Variants in PLPP1 observed in about 807,000 individuals in gnomAD.
The protein encoded by PLPP1 is lipid phosphate phosphohydrolase 1a.
A neutral mutation model predicts 31.2 loss-of-function variants in PLPP1; 24 were observed. The observed-to-expected ratio is 0.77, with a 90% CI of 0.56 to 1.08. The LOEUF (loss-of-function observed/expected upper bound fraction) is 1.08. Among genes scored for constraint, PLPP1 ranks in the 50% least tolerant of loss-of-function variants. The pLI, the probability that PLPP1 is intolerant of heterozygous loss-of-function variation, is 0.00. For synonymous variants in PLPP1, 146 were observed against 126.3 expected, an observed-to-expected ratio of 1.16 and a Z score of -1.05; for missense variants, 319 against 342.7, an observed-to-expected ratio of 0.93 and a Z score of 0.55.
At position 55,443,192 on chromosome 5, in the gene PLPP1, A is replaced by AT. The variant is rs1554037280; in HGVS notation, c.492-1285_492-1284insA. ...AAGGATTACTTAAAAAAAAAAAAAA[A>AT]ATATATATATATATATATATACACA... On this transcript the variant is annotated intron_variant, in intron 3 of 5. Transcript: ENST00000307259. 1.8e-3 allele frequency among the ~76,000 whole-genome samples: 47 copies of AT among 25,442 alleles called. 1 individual carries two copies. The highest frequency in any genetic ancestry group is 0.017 in the South Asian group (7 of 406). 16.7% of individuals were successfully genotyped at this position (25,442 alleles called of 152,430 possible).
At chr5:55,530,498 A>G (rs1740625348) in intron 1 of PLPP1, 3 of 1,209,550 alleles carry the variant, frequency 2.5e-6, no homozygotes, top group Non-Finnish European at 1.2e-6. Flanking sequence ...TTTCACTCCT[A>G]TTGCTGTTCC....
At chr5:55,512,476 A>AG (rs1753438452) in intron 1 of PLPP1, among the ~76,000 whole-genome samples, 4 of 23,562 alleles carry the variant, frequency 1.7e-4, no homozygotes, top group African/African-American at 4.5e-4. Context: ...CTCAAAAAAA[A>AG]AAAAAAAGAA....
chr5:55,460,653 C>CTATT (rs1256826432), intron 3 of PLPP1, among the ~76,000 whole-genome samples: 1 of 152,200 alleles, frequency 6.6e-6, no homozygotes, highest in East Asian at 1.9e-4. Flanking sequence ...AGTTCTATAT[C>CTATT]TATTTAAAAA....
chr5:55,444,067 A>G (rs1175237080), intron 3 of PLPP1, among the ~76,000 whole-genome samples: 1 of 151,926 alleles, frequency 6.6e-6, no homozygotes, highest in Non-Finnish European at 1.5e-5. Context: ...AATAAATCCC[A>G]AGGAGTAGCC....
chr5:55,526,594 A>C (rs914300539), intron 1 of PLPP1, among the ~76,000 whole-genome samples: 2 of 152,194 alleles, frequency 1.3e-5, no homozygotes, highest in African/African-American at 2.4e-5. Context: ...AAACAGAAAA[A>C]CAAGTAAACT....
chr5:55,478,826 A>C (rs965186054), intron 1 of PLPP1, among the ~76,000 whole-genome samples: 8 of 152,142 alleles, frequency 5.3e-5, no homozygotes, highest in Admixed American at 4.6e-4. Context: ...AAGAGGTTTT[A>C]ATAAGAAGGG....
intron 1 of PLPP1, among the ~76,000 whole-genome samples, chr5:55,529,272 T>TAA (rs1740575206): frequency 6.6e-6 from 1 of 151,716 alleles, no homozygotes; most frequent in African/African-American, 2.4e-5. Context: ...CACAAAAGTA[T>TAA]ATATATATAC....
intron 1 of PLPP1, among the ~76,000 whole-genome samples, chr5:55,524,714 G>A (rs1164247222): frequency 6.6e-6 from 1 of 152,136 alleles, no homozygotes; most frequent in Non-Finnish European, 1.5e-5. Context: ...GGAGGTTGAG[G>A]CAGGAGAATC....
intron 1 of PLPP1, among the ~76,000 whole-genome samples, chr5:55,481,194 A>C (rs1472816506): frequency 3.3e-5 from 5 of 152,190 alleles, no homozygotes; most frequent in Non-Finnish European, 1.5e-5. Context: ...ACCATAATAC[A>C]AATACTAACA....
At chr5:55,506,703 C>T (rs996087104) in intron 1 of PLPP1, among the ~76,000 whole-genome samples, 2 of 152,046 alleles carry the variant, frequency 1.3e-5, no homozygotes, top group Non-Finnish European at 2.9e-5. Flanking sequence ...CCCAAAATTC[C>T]GGCATATGTA....
intron 1 of PLPP1, among the ~76,000 whole-genome samples, chr5:55,524,704 G>A (rs1753743886): frequency 6.6e-6 from 1 of 152,096 alleles, no homozygotes; most frequent in African/African-American, 2.4e-5. Flanking sequence ...CAGCTACTCA[G>A]GAGGTTGAGG....
chr5:55,522,972 C>T (rs533454607), intron 1 of PLPP1, among the ~76,000 whole-genome samples: 1 of 152,316 alleles, frequency 6.6e-6, no homozygotes, highest in Non-Finnish European at 1.5e-5. Flanking sequence ...CCCACGTTGG[C>T]CTCCCAAAGT....
intron 1 of PLPP1, among the ~76,000 whole-genome samples, chr5:55,482,662 G>C (rs1180064397): frequency 6.6e-6 from 1 of 152,164 alleles, no homozygotes; most frequent in Non-Finnish European, 1.5e-5. Flanking sequence ...TACAGGAAAA[G>C]GACAGCAAGA....
intron 1 of PLPP1, among the ~76,000 whole-genome samples, chr5:55,489,243 A>C (rs990725299): frequency 6.6e-6 from 1 of 152,128 alleles, no homozygotes; most frequent in Non-Finnish European, 1.5e-5. Flanking sequence ...ATTCACTCTC[A>C]AGCAATTATC....
At chr5:55,512,578 T>A (rs1160288952) in intron 1 of PLPP1, among the ~76,000 whole-genome samples, 14 of 149,096 alleles carry the variant, frequency 9.4e-5, no homozygotes, top group East Asian at 4.0e-4. Flanking sequence ...GAAAGAAAGG[T>A]AACATAAAAC....
At chr5:55,500,335 T>G (rs1753112617) in intron 1 of PLPP1, among the ~76,000 whole-genome samples, 2 of 152,160 alleles carry the variant, frequency 1.3e-5, no homozygotes, top group South Asian at 4.1e-4. Flanking sequence ...TGCCTCAGCC[T>G]CCCAAAGTCT....
chr5:55,477,146 T>C (rs549115008), intron 1 of PLPP1, among the ~76,000 whole-genome samples: 1 of 152,270 alleles, frequency 6.6e-6, no homozygotes, highest in Non-Finnish European at 1.5e-5. Flanking sequence ...TTTTCATTCA[T>C]AGGAATGGGG....
At chr5:55,491,860 G>GAAAA (rs35303375) in intron 1 of PLPP1, among the ~76,000 whole-genome samples, 9 of 102,268 alleles carry the variant, frequency 8.8e-5, no homozygotes, top group Admixed American at 1.2e-4. Flanking sequence ...TCAATCTCAG[G>GAAAA]AAAAAAAAAA....
chr5:55,474,726 A>C (rs1752498605), intron 2 of PLPP1, among the ~76,000 whole-genome samples: 1 of 152,236 alleles, frequency 6.6e-6, no homozygotes, highest in Admixed American at 6.5e-5. Flanking sequence ...AGGGAGAATC[A>C]AAAACGGTAG....
Sources: allele counts gnomAD v4.1 joint callset (sites outside exome capture counted in the v4.1 genomes callset), GRCh38; gene constraint gnomAD v4.1.1; transcripts MANE v1.5; gene names NCBI Gene and HGNC (gene_info 2026-07-23, HGNC 2026-07-21).